The following BBX variants were observed in gnomAD, a reference collection of about 807,000 sequenced individuals.
BBX encodes HMG box transcription factor BBX.
BBX carries 30 observed loss-of-function variants against 100.2 expected under a neutral mutation model. The ratio of observed to expected loss-of-function variants is 0.30; its 90% CI spans 0.22 to 0.41. BBX has a LOEUF of 0.41. Among genes scored for constraint, BBX ranks in the 10% least tolerant of loss-of-function variants. The pLI, the probability that BBX is intolerant of heterozygous loss-of-function variation, is 1.00. For missense variants in BBX, 1,023 were observed against 1,129.8 expected (o/e 0.91, Z 1.35); for synonymous variants, 376 against 388.1 (o/e 0.97, Z 0.37).
chr3:107,731,413 T>C (rs1280699219), intron 6 of BBX, among the ~76,000 whole-genome samples: 4 of 152,210 alleles, frequency 2.6e-5, no homozygotes, highest in Non-Finnish European at 5.9e-5. Context: ...TTCTACTAAA[T>C]TCATTTCCCT....
chr3:107,558,034 A>G (rs1008167001), intron 2 of BBX, among the ~76,000 whole-genome samples: 18 of 152,326 alleles, frequency 1.2e-4, no homozygotes, highest in Admixed American at 5.9e-4. Flanking sequence ...TCTGTGGTTT[A>G]ATAAGTCTTC....
chr3:107,690,311 A>G (rs1190634150), intron 3 of BBX, among the ~76,000 whole-genome samples: 1 of 152,110 alleles, frequency 6.6e-6, no homozygotes, highest in Non-Finnish European at 1.5e-5. Flanking sequence ...TGGCCTGGTA[A>G]ATTACTAAGT....
chr3:107,680,107 A>G (rs1207862916), intron 3 of BBX, among the ~76,000 whole-genome samples: 1 of 152,144 alleles, frequency 6.6e-6, no homozygotes, highest in Non-Finnish European at 1.5e-5. Context: ...CTGTGGCCAG[A>G]AGGCTGTCAG....
intron 13 of BBX, among the ~76,000 whole-genome samples, chr3:107,778,783 A>G (rs2067544248): frequency 6.6e-6 from 1 of 151,556 alleles, no homozygotes; most frequent in East Asian, 1.9e-4. Flanking sequence ...ATGGTCTTCA[A>G]CCTCCTGCTC....
rs78889046 is a variant in BBX at position 107,673,713 on chromosome 3, G to T, written c.-10+27804G>T. Reference sequence around the variant, plus strand: ...AAGACCCACTTCAAGTTTTTTTTTAGAAATTTCTCTTATTCTGGATAACAT... The same window carrying T: ...AAGACCCACTTCAAGTTTTTTTTTATAAATTTCTCTTATTCTGGATAACAT... On this transcript the variant is annotated intron_variant, in intron 3 of 17. Transcript: ENST00000325805. Among the ~76,000 whole-genome samples, 1,211 of 151,874 alleles carry T rather than the reference G, an allele frequency of 8.0e-3. 7 individuals are homozygous for T. The highest frequency in any genetic ancestry group is 0.034 in the South Asian group (165 of 4,808).
chr3:107,578,764 A>G (rs567705789), intron 2 of BBX, among the ~76,000 whole-genome samples: 2 of 152,262 alleles, frequency 1.3e-5, no homozygotes, highest in African/African-American at 4.8e-5. Context: ...AGAGGTTCAC[A>G]GGGAGCAGAT....
At chr3:107,733,300 ACT>A (rs2063431270) in intron 7 of BBX, among the ~76,000 whole-genome samples, 1 of 151,958 alleles carries the variant, frequency 6.6e-6, no homozygotes, top group African/African-American at 2.4e-5. Context: ...TGTTTGCATG[ACT>A]CTGTCATGGT....
At chr3:107,686,779 G>A (rs563604485) in intron 3 of BBX, among the ~76,000 whole-genome samples, 67 of 152,274 alleles carry the variant, frequency 4.4e-4, no homozygotes, top group African/African-American at 1.6e-3. Flanking sequence ...GCTGCAGACA[G>A]TTGTGGTGTT....
At chr3:107,581,472 A>G (rs985007370) in intron 2 of BBX, among the ~76,000 whole-genome samples, 5 of 151,696 alleles carry the variant, frequency 3.3e-5, no homozygotes, top group East Asian at 1.9e-4. Flanking sequence ...TGAAGAGACT[A>G]TATTTTCTTC....
At chr3:107,677,930 A>G (rs925990313) in intron 3 of BBX, among the ~76,000 whole-genome samples, 5 of 152,134 alleles carry the variant, frequency 3.3e-5, no homozygotes, top group Non-Finnish European at 5.9e-5. Context: ...TTGTATTTTA[A>G]GTTAAAGAAA....
At chr3:107,762,880 C>G (rs972158268) in intron 10 of BBX, among the ~76,000 whole-genome samples, 4 of 152,050 alleles carry the variant, frequency 2.6e-5, no homozygotes, top group Non-Finnish European at 5.9e-5. Context: ...GGTGTAGAAT[C>G]CAATACTTTG....
intron 3 of BBX, among the ~76,000 whole-genome samples, chr3:107,708,439 G>C (rs1293632942): frequency 2.6e-5 from 4 of 152,270 alleles, no homozygotes; most frequent in African/African-American, 7.2e-5. Flanking sequence ...ACTTTGGGAG[G>C]CTGAGGTGGG....
At chr3:107,784,905 G>A (rs755083410) in intron 13 of BBX, among the ~76,000 whole-genome samples, 41 of 151,622 alleles carry the variant, frequency 2.7e-4, no homozygotes, top group Non-Finnish European at 4.7e-4. Context: ...TAACAAAATT[G>A]AGAAATTTTA....
At chr3:107,756,300 C>T (rs886823393) in intron 10 of BBX, among the ~76,000 whole-genome samples, 3 of 152,080 alleles carry the variant, frequency 2.0e-5, no homozygotes, top group Non-Finnish European at 4.4e-5. Flanking sequence ...GCTTTCTCTG[C>T]CAGGCTGTGA....
At chr3:107,530,557 A>G (rs1021153474) in intron 2 of BBX, among the ~76,000 whole-genome samples, 1 of 152,230 alleles carries the variant, frequency 6.6e-6, no homozygotes, top group Non-Finnish European at 1.5e-5. Context: ...AGGGAATAAA[A>G]CAAACTCCTG....
chr3:107,583,197 G>GT (rs2052413096), intron 2 of BBX, among the ~76,000 whole-genome samples: 1 of 151,828 alleles, frequency 6.6e-6, no homozygotes, highest in South Asian at 2.1e-4. Context: ...GACCTTCAGT[G>GT]TTTTTTTAAG....
intron 2 of BBX, among the ~76,000 whole-genome samples, chr3:107,574,467 TG>T (rs1434916909): frequency 2.0e-5 from 3 of 152,210 alleles, no homozygotes; most frequent in Non-Finnish European, 4.4e-5. Flanking sequence ...AAGTTTAGGC[TG>T]ATCTTTGAAT....
chr3:107,785,733 G>A (rs1258170133), intron 13 of BBX, among the ~76,000 whole-genome samples: 1 of 151,954 alleles, frequency 6.6e-6, no homozygotes, highest in Non-Finnish European at 1.5e-5. Context: ...ATACTTAATG[G>A]TAAAATACTG....
At chr3:107,566,920 A>G (rs2050961112) in intron 2 of BBX, among the ~76,000 whole-genome samples, 1 of 152,042 alleles carries the variant, frequency 6.6e-6, no homozygotes, top group Admixed American at 6.5e-5. Flanking sequence ...CATTTGATGT[A>G]CTGTTTCCTA....
Sources: allele counts gnomAD v4.1 joint callset (sites outside exome capture counted in the v4.1 genomes callset), GRCh38; gene constraint gnomAD v4.1.1; transcripts MANE v1.5; gene names NCBI Gene and HGNC (gene_info 2026-07-23, HGNC 2026-07-21).